Variants in OGFR observed in about 807,000 individuals in gnomAD.
The protein encoded by OGFR is opioid growth factor receptor.
A neutral mutation model predicts 33.6 loss-of-function variants in OGFR; 18 were observed. The observed-to-expected ratio is 0.54, with a 90% CI of 0.37 to 0.80. The LOEUF is 0.80. Among genes scored for constraint, OGFR ranks in the 30% least tolerant of loss-of-function variants. OGFR has a pLI of 0.00. For missense variants in OGFR, 877 were observed against 955.8 expected (o/e 0.92, Z 1.09); for synonymous variants, 370 against 400.7 (o/e 0.92, Z 0.91).
chr20:62,811,473 C>T lies in OGFR; in HGVS notation c.477C>T (p.Ser159=), dbSNP rs368545118. ...GGGGTCTTTTCCAGGTGTTTAAAAG[C>T]TCCCAGGAGATCCAGGAGCGGCTTG... The part of the protein sequence containing the change: ...LTLREVEVFK[S]SQEIQERLVR... Residue 159 remains serine (S), a synonymous_variant, in exon 6 of 7, where the codon AGC becomes AGT. Coordinates refer to ENST00000290291, the MANE Select transcript of OGFR (RefSeq NM_007346.4). 9 of 1,611,538 alleles carry T rather than the reference C, an allele frequency of 5.6e-6. No homozygotes were observed. In the African/African-American group the frequency reaches 6.7e-5, roughly 12 times the overall value.
intron 1 of OGFR, chr20:62,807,192 G>A (rs1005967502): frequency 2.3e-5 from 8 of 352,932 alleles, no homozygotes; most frequent in East Asian, 6.1e-5. Context: ...GGAGGAGAGG[G>A]TCAGGGCCAC....
At chr20:62,811,356 T>A in intron 5 of OGFR, 106 bp from the exon 6 acceptor site, 1 of 1,199,170 alleles carries the variant, frequency 8.3e-7, no homozygotes, top group Non-Finnish European at 1.2e-6. Flanking sequence ...TCTGTCTGTC[T>A]GTCTAGTCCA....
chr20:62,807,443 G>A, intron 1 of OGFR, 94 bp from the exon 2 acceptor site: 1 of 1,064,558 alleles, frequency 9.4e-7, no homozygotes, highest in Non-Finnish European at 1.4e-6. Context: ...AGACAGCTCT[G>A]TGGCAGCTGG....
At position 62,813,240 on chromosome 20, in the gene OGFR, C is replaced by T. The variant is rs1271677750; in HGVS notation, c.1625C>T (p.Pro542Leu). ...CCAGCCGAGAGCCCATCGGAGACCC[C>T]AGGCCCCCGCCCAGCAGGACCTGCA... ...DEPAESPSET[P>L]GPRPAGPAGD... is the part of the protein sequence containing the mutation. Residue 542 changes from proline (P) to leucine (L), a missense_variant, in exon 7 of 7, where the codon CCA becomes CTA. This residue lies in a region of OGFR where 72 missense variants were observed against 181.8 expected (regional missense o/e 0.40). Transcript: ENST00000290291. The T allele has an allele frequency of 6.5e-7, 1 of 1,549,006 alleles. No homozygotes were observed. The highest frequency in any genetic ancestry group is 8.8e-7 in the Non-Finnish European group (1 of 1,141,094).
At position 62,809,626 on chromosome 20, in the gene OGFR, T is replaced by C; in HGVS notation, c.361T>C (p.Tyr121His). ...CATTCTTCAGAACTGGACGGACAAC[T>C]ATGACCTCCTTGAGGACAATCACTC... Reference protein sequence around the residue: ...EDILQNWTDNYDLLEDNHSYI... With the variant: ...EDILQNWTDNHDLLEDNHSYI... Residue 121 changes from tyrosine (Y) to histidine (H), a missense_variant, in exon 4 of 7, where the codon TAT becomes CAT. By Grantham distance (83) the Tyr-to-His change is moderately conservative. Transcript: ENST00000290291. 6.2e-7 allele frequency: 1 copy of C among 1,607,410 alleles called. No homozygotes were observed. The highest frequency in any genetic ancestry group is 8.5e-7 in the Non-Finnish European group (1 of 1,177,334).
chr20:62,812,946 G>A lies in OGFR; in HGVS notation c.1331G>A (p.Arg444His), dbSNP rs41310199. The change falls in exon 7 of 7, where the codon CGC (arginine) becomes CAC (histidine). Residue 444 changes from arginine (R) to histidine (H), a missense_variant. Coordinates refer to ENST00000290291, the MANE Select transcript of OGFR (RefSeq NM_007346.4). ...CCTGGGGAGGCAGTGCAGCCCTGCC[G>A]CCAACCCCTGGGAGCCAGGGTGGCC... ...QDPGEAVQPC[R>H]QPLGARVADK... 1.6e-5 allele frequency: 25 copies of A among 1,612,094 alleles called. No homozygotes were observed. Among genetic ancestry groups the A allele is most frequent in the Admixed American group, 5.0e-5 (3 of 59,970 alleles).
Position 62,812,572 on chromosome 20 carries a change from C to T in OGFR, c.957C>T (p.Pro319=), listed in dbSNP as rs201383116. ...KVEEEGSPGD[P]DHEASTQGRT... ...AGGAGGAAGGAAGCCCCGGGGACCC[C>T]GACCACGAGGCCAGCACCCAGGGTC... is the stretch of plus-strand genomic sequence containing the variant. Residue 319 remains proline (P), a synonymous_variant, in exon 7 of 7, where the codon CCC becomes CCT. Coordinates refer to ENST00000290291, the MANE Select transcript of OGFR (RefSeq NM_007346.4). 2.1e-4 allele frequency: 334 copies of T among 1,577,762 alleles called. No homozygotes were observed. In the African/African-American group the frequency reaches 2.2e-3, roughly 10 times the overall value.
chr20:62,813,622 G>C lies in OGFR; in HGVS notation c.2007G>C (p.Glu669Asp). Residue 669 changes from glutamate to aspartate, a missense_variant, in exon 7 of 7, where the codon GAG becomes GAC. Around this residue, in one of 3 missense-constraint regions of OGFR, gnomAD observed 45 missense variants for 38.0 expected, o/e 1.19. Coordinates refer to ENST00000290291, the MANE Select transcript of OGFR (RefSeq NM_007346.4). ...EAAELQDAEV[E>D]SSAKSGKP The stretch of plus-strand genomic sequence containing the variant: ...CAGAGTTGCAGGACGCAGAGGTGGA[G>C]TCTTCTGCCAAGTCTGGGAAGCCTT... 1 of 1,612,734 alleles carries C rather than the reference G, an allele frequency of 6.2e-7. No homozygotes were observed. The highest frequency in any genetic ancestry group is 8.5e-7 in the Non-Finnish European group (1 of 1,179,894).
At position 62,810,535 on chromosome 20, in the gene OGFR, T is replaced by C; in HGVS notation, c.435T>C (p.His145=). ...TGCGAGAACCAGGAGTGAACTGGCA[T>C]GCCAAGCCCCTCACGCTCAGGGAGG... ...FPLREPGVNW[H]AKPLTLREVE... is the part of the protein sequence containing the mutation. The change falls in exon 5 of 7, where the codon CAT becomes CAC. Residue 145 remains histidine, a synonymous_variant. Coordinates refer to ENST00000290291, the MANE Select transcript of OGFR (RefSeq NM_007346.4). 6.2e-7 allele frequency: 1 copy of C among 1,613,144 alleles called. No homozygotes were observed. The highest frequency in any genetic ancestry group is 8.5e-7 in the Non-Finnish European group (1 of 1,179,880).
rs375190272 is a variant in OGFR, at chr20:62,808,260, G to A, written c.254G>A (p.Arg85Gln). The A allele has an allele frequency of 1.2e-5, 20 of 1,613,222 alleles. No individual in the cohort carries two copies. The East Asian group carries it at 2.0e-4, about 16-fold the overall frequency. ...YRHNYPDLVE[R>Q]DCNGDTPNLS... ...CTGGCTCTTCAGGATCTGGTGGAAC[G>A]AGACTGCAATGGGGACACGCCAAAC... The change falls in exon 3 of 7, where the codon CGA becomes CAA. Residue 85 changes from arginine (R) to glutamine (Q), a missense_variant. Coordinates refer to ENST00000290291, the MANE Select transcript of OGFR (RefSeq NM_007346.4).
At position 62,811,475 on chromosome 20, in the gene OGFR, CCCAGGAGAT is replaced by C; in HGVS notation, c.487_495del (p.Ile163_Glu165del). 1 of 1,611,570 alleles carries C rather than the reference CCCAGGAGAT, an allele frequency of 6.2e-7. No individual in the cohort carries two copies. Among genetic ancestry groups the C allele is most frequent in the Non-Finnish European group, 8.5e-7 (1 of 1,179,520 alleles). On this transcript the variant is annotated inframe_deletion, in exon 6 of 7. Coordinates refer to ENST00000290291, the MANE Select transcript of OGFR (RefSeq NM_007346.4). ...GGTCTTTTCCAGGTGTTTAAAAGCTCCCAGGAGATCCAGGAGCGGCTTGTCCGGGCCTAC... is the reference window on the plus strand; with the variant it reads ...GGTCTTTTCCAGGTGTTTAAAAGCTCCCAGGAGCGGCTTGTCCGGGCCTAC...
intron 1 of OGFR, 119 bp from the exon 2 acceptor site, chr20:62,807,418 A>AC (rs1387099437): frequency 1.2e-6 from 1 of 822,252 alleles, no homozygotes; most frequent in Admixed American, 2.3e-5. Flanking sequence ...GAGCCATGAA[A>AC]CCCCCGCCCT....
intron 4 of OGFR, 126 bp from the exon 5 acceptor site, chr20:62,810,373 C>T: frequency 1.2e-6 from 1 of 851,578 alleles, no homozygotes; most frequent in Admixed American, 1.9e-5. Flanking sequence ...CCTAGCCACT[C>T]CCTCCTAGAG....
At position 62,812,476 on chromosome 20, in the gene OGFR, G is replaced by T. The variant is rs958554709; in HGVS notation, c.861G>T (p.Gly287=). ...GGCCCCGCTGCAAGTTCGTCTGGGG[G>T]CCCCAAGACAAGCTGCGGAGGTTCA... ...HFRPRCKFVW[G]PQDKLRRFKP... is the part of the protein sequence containing the mutation. The change falls in exon 7 of 7, where the codon GGG becomes GGT. Residue 287 remains glycine, a synonymous_variant. Transcript: ENST00000290291. 3 of 1,578,242 alleles carry T rather than the reference G, an allele frequency of 1.9e-6. No homozygotes were observed. The highest frequency in any genetic ancestry group is 2.3e-5 in the South Asian group (2 of 86,820).
intron 3 of OGFR, among the ~76,000 whole-genome samples, chr20:62,808,974 C>CAAAAAAAAAAAAAAAAAAAAAAAAAAAA (rs5842400): frequency 1.5e-5 from 1 of 68,412 alleles, no homozygotes; most frequent in Non-Finnish European, 2.7e-5. Flanking sequence ...GACTCTGTCT[C>CAAAAAAAAAAAAAAAAAAAAAAAAAAAA]AAAAAAAAAA....
chr20:62,807,460 C>T (rs1990621297), intron 1 of OGFR, 77 bp from the exon 2 acceptor site: 9 of 1,304,414 alleles, frequency 6.9e-6, no homozygotes, highest in African/African-American at 1.5e-5. Flanking sequence ...CTGGCCCAGG[C>T]CCTGCAGCCC....
chr20:62,813,134 C>T lies in OGFR; in HGVS notation c.1519C>T (p.Arg507Ter), dbSNP rs373481743. The T allele has an allele frequency of 5.7e-6, 9 of 1,579,396 alleles. No homozygotes were observed. In the African/African-American group the frequency reaches 6.8e-5, roughly 12 times the overall value. Residue 507 changes from arginine to a stop codon, truncating the protein, a stop_gained, in exon 7 of 7, where the codon CGA (arginine) becomes TGA (stop). Coordinates refer to ENST00000290291, the MANE Select transcript of OGFR (RefSeq NM_007346.4). LOFTEE classifies it low-confidence loss of function (END_TRUNC). ...ENGVEEDTEG[R>*]TGPKEGTPGS... Reference sequence around the variant, plus strand: ...CGGGGTTGAGGAGGACACAGAAGGTCGAACGGGGCCCAAAGAAGGTACCCC... The same window carrying T: ...CGGGGTTGAGGAGGACACAGAAGGTTGAACGGGGCCCAAAGAAGGTACCCC...
chr20:62,811,899 A>G (rs1198929238), intron 6 of OGFR, among the ~76,000 whole-genome samples: 1 of 152,190 alleles, frequency 6.6e-6, no homozygotes, highest in African/African-American at 2.4e-5. Context: ...CAGTTCTCAC[A>G]GGGTGTTCGA....
In OGFR at chr20:62,804,943, C is replaced by T; in HGVS notation, c.84C>T (p.Gly28=). Reference sequence around the variant, plus strand: ...CGGAGGACGAGGACTGCGAGGACGGCGAGGCCGCCGGCGCGAGGGACGCGG... The same window carrying T: ...CGGAGGACGAGGACTGCGAGGACGGTGAGGCCGCCGGCGCGAGGGACGCGG... ...EDAEDEDCED[G]EAAGARDADA... is the part of the protein sequence containing the mutation. The change falls in exon 1 of 7, where the codon GGC becomes GGT. Residue 28 remains glycine, a synonymous_variant. Transcript: ENST00000290291. The T allele has an allele frequency of 1.3e-6, 2 of 1,491,054 alleles. No homozygotes were observed. Among genetic ancestry groups the T allele is most frequent in the South Asian group, 1.3e-5 (1 of 78,938 alleles). 92.4% of individuals were successfully genotyped at this position (1,491,054 alleles called of 1,614,324 possible).
Sources: allele counts gnomAD v4.1 joint callset (sites outside exome capture counted in the v4.1 genomes callset), GRCh38; gene constraint gnomAD v4.1.1; regional missense constraint gnomAD v4.1.1; transcripts MANE v1.5; gene names NCBI Gene and HGNC (gene_info 2026-07-23, HGNC 2026-07-21).